Variants in ROBO2 observed in about 807,000 individuals in gnomAD.
ROBO2 encodes roundabout homolog 2.
ROBO2 carries 53 observed loss-of-function variants against 160.8 expected under a neutral mutation model. That is an observed-to-expected ratio of 0.33 (90% CI 0.26 to 0.41). The LOEUF is 0.41. Among genes scored for constraint, ROBO2 ranks in the 10% least tolerant of loss-of-function variants. The probability of loss-of-function intolerance (pLI) is 1.00; values close to 1 mark genes in which losing one functional copy is unlikely to be tolerated. For missense variants in ROBO2, 1,577 were observed against 1,722.4 expected (o/e 0.92, Z 1.49); for synonymous variants, 664 against 611.7 (o/e 1.09, Z -1.26).
intron 2 of ROBO2, among the ~76,000 whole-genome samples, chr3:76,909,766 T>C (rs2075849246): frequency 6.6e-6 from 1 of 152,206 alleles, no homozygotes; most frequent in Admixed American, 6.5e-5. Flanking sequence ...AGACAAATTT[T>C]ATTTCGTGTA....
chr3:77,446,763 T>C (rs945416036), intron 2 of ROBO2, among the ~76,000 whole-genome samples: 4 of 152,074 alleles, frequency 2.6e-5, no homozygotes, highest in Non-Finnish European at 5.9e-5. Context: ...CTCAATAAAT[T>C]TGACTAAATT....
chr3:76,388,653 A>G (rs1275274794), intron 2 of ROBO2, among the ~76,000 whole-genome samples: 1 of 151,950 alleles, frequency 6.6e-6, no homozygotes, highest in African/African-American at 2.4e-5. Context: ...GCTACTTGTA[A>G]TTTTCAGAAT....
At chr3:77,235,291 G>T (rs1362742181) in intron 2 of ROBO2, among the ~76,000 whole-genome samples, 6 of 151,830 alleles carry the variant, frequency 4.0e-5, no homozygotes, top group Non-Finnish European at 8.8e-5. Flanking sequence ...AAGAATTGCT[G>T]CCTGACCTGC....
chr3:75,979,185 A>G (rs1351729234), intron 2 of ROBO2, among the ~76,000 whole-genome samples: 1 of 151,608 alleles, frequency 6.6e-6, no homozygotes, highest in African/African-American at 2.4e-5. Context: ...TGTTATAAAA[A>G]GTTATGGCAG....
intron 2 of ROBO2, among the ~76,000 whole-genome samples, chr3:77,186,937 A>C (rs2081337571): frequency 6.6e-6 from 1 of 152,018 alleles, no homozygotes; most frequent in South Asian, 2.1e-4. Context: ...ATGTCAGCTG[A>C]TTATAACTCA....
chr3:77,087,095 A>T (rs1421454200), intron 1 of ROBO2, among the ~76,000 whole-genome samples: 1 of 152,118 alleles, frequency 6.6e-6, no homozygotes, highest in Non-Finnish European at 1.5e-5. Context: ...GATTAATGCT[A>T]CTGCTACAGA....
chr3:77,031,374 T>TA (rs887842889), intron 2 of ROBO2, among the ~76,000 whole-genome samples: 3 of 150,806 alleles, frequency 2.0e-5, no homozygotes, highest in Non-Finnish European at 4.4e-5. Context: ...TTTTTTCATA[T>TA]AAAAAACTTC....
chr3:76,401,836 T>C (rs1192194319), intron 2 of ROBO2, among the ~76,000 whole-genome samples: 1 of 151,548 alleles, frequency 6.6e-6, no homozygotes, highest in Non-Finnish European at 1.5e-5. Context: ...AACAAGCTGA[T>C]GAAATATTTT....
chr3:76,891,210 T>C (rs1190537823), intron 2 of ROBO2, among the ~76,000 whole-genome samples: 2 of 152,174 alleles, frequency 1.3e-5, no homozygotes, highest in African/African-American at 4.8e-5. Context: ...GTTTAGAAGT[T>C]TGCAAATATG....
chr3:77,259,556 G>C (rs186072164), intron 2 of ROBO2, among the ~76,000 whole-genome samples: 23 of 152,268 alleles, frequency 1.5e-4, no homozygotes, highest in Admixed American at 7.2e-4. Context: ...TGATAGATGA[G>C]AGTAAATAGA....
At position 75,931,407 on chromosome 3, in the gene ROBO2, AG is replaced by A. The variant is rs1947528721; in HGVS notation, c.-13-6073del. Reference sequence around the variant, plus strand: ...TTCTCTGTCACCCAAGCTGGAGTGCAGTGGCACAATCTTGGCTCACTGAAAC... The same window carrying A: ...TTCTCTGTCACCCAAGCTGGAGTGCATGGCACAATCTTGGCTCACTGAAAC... On this transcript the variant is annotated intron_variant, in intron 1 of 26. Transcript: ENST00000487694. 1.3e-5 allele frequency among the ~76,000 whole-genome samples: 2 copies of A among 152,116 alleles called. 1 individual carries two copies. Among genetic ancestry groups the A allele is most frequent in the Admixed American group, 1.3e-4 (2 of 15,264 alleles).
At chr3:77,206,630 C>T (rs1039645582) in intron 2 of ROBO2, among the ~76,000 whole-genome samples, 1 of 152,048 alleles carries the variant, frequency 6.6e-6, no homozygotes, top group Admixed American at 6.5e-5. Context: ...GGAACACAGT[C>T]TCACTCATAA....
intron 2 of ROBO2, among the ~76,000 whole-genome samples, chr3:76,511,675 A>G (rs545552737): frequency 6.6e-6 from 1 of 152,334 alleles, no homozygotes; most frequent in East Asian, 1.9e-4. Flanking sequence ...GAACACAGCT[A>G]CTAAAAATAG....
chr3:77,594,249 A>T (rs1364984514), intron 17 of ROBO2, among the ~76,000 whole-genome samples: 1 of 152,220 alleles, frequency 6.6e-6, no homozygotes, highest in Non-Finnish European at 1.5e-5. Context: ...ACCTCTTTGT[A>T]ATATGCAAAG....
chr3:77,259,346 C>A (rs1287352546), intron 2 of ROBO2, among the ~76,000 whole-genome samples: 1 of 152,114 alleles, frequency 6.6e-6, no homozygotes, highest in Non-Finnish European at 1.5e-5. Context: ...ATTTGTTTTG[C>A]GTGTCTCTAT....
intron 20 of ROBO2, among the ~76,000 whole-genome samples, chr3:77,603,432 A>G (rs2094468775): frequency 6.6e-6 from 1 of 152,208 alleles, no homozygotes; most frequent in Admixed American, 6.5e-5. Context: ...AGTAGTTCAT[A>G]ATATTAGTAT....
chr3:76,706,081 T>C (rs1458642033), intron 2 of ROBO2, among the ~76,000 whole-genome samples: 3 of 152,122 alleles, frequency 2.0e-5, no homozygotes, highest in Non-Finnish European at 4.4e-5. Flanking sequence ...AAGAAAGCAA[T>C]AATAGTATTC....
chr3:76,528,840 G>A (rs1340818413), intron 2 of ROBO2, among the ~76,000 whole-genome samples: 1 of 152,102 alleles, frequency 6.6e-6, no homozygotes, highest in Non-Finnish European at 1.5e-5. Context: ...AACAACTGGA[G>A]ATACTAAGAT....
At chr3:77,627,026 G>C (rs996578353) in intron 23 of ROBO2, among the ~76,000 whole-genome samples, 1 of 152,124 alleles carries the variant, frequency 6.6e-6, no homozygotes, top group African/African-American at 2.4e-5. Flanking sequence ...AGGAAAATAA[G>C]TTTAGTATTA....
Sources: gnomAD v4.1 joint callset for allele counts (sites outside exome capture counted in the v4.1 genomes callset) on GRCh38, gnomAD v4.1.1 for gene constraint, MANE v1.5 for transcripts, NCBI Gene and HGNC (gene_info 2026-07-23, HGNC 2026-07-21) for gene names.